The following PBRM1 variants were observed in gnomAD, a reference collection of about 807,000 sequenced individuals.
The protein encoded by PBRM1 is polybromo 1, also known as protein polybromo-1.
In PBRM1, 27 loss-of-function variants were observed where a neutral mutation model predicts 194.5. The observed-to-expected ratio is 0.14, with a 90% CI of 0.10 to 0.19. The LOEUF is 0.19. Ranked by LOEUF, PBRM1 falls within the 10% of genes least tolerant of loss-of-function variation. The pLI is 1.00. For synonymous variants in PBRM1, 655 were observed against 693.2 expected (o/e 0.94, Z 0.87); for missense variants, 1,466 against 2,077.2 (o/e 0.71, Z 5.72).
At chr3:52,643,143 A>G in intron 9 of PBRM1, 105 bp downstream of exon 10, 1 of 846,650 alleles carries the variant, frequency 1.2e-6, no homozygotes, top group Non-Finnish European at 2.0e-6. Context: ...TTAACAACCA[A>G]ACTATACCCA....
upstream of PBRM1, among the ~76,000 whole-genome samples, chr3:52,683,135 G>A (rs1418625112): frequency 2.0e-5 from 3 of 151,636 alleles, no homozygotes; most frequent in Admixed American, 6.6e-5. Flanking sequence ...CCCGGGAGGC[G>A]GAGGTTGCAG....
Position 52,678,617 on chromosome 3 carries a change from A to C in PBRM1, c.139-20T>G. The stretch of plus-strand genomic sequence containing the variant: ...GGCAATCTACACATTAGCAAAGGAG[A>C]AAAAAATCACTAAAAAAGTGAACAG... On this transcript the variant is annotated intron_variant, in intron 1 of 29. Transcript: ENST00000296302. 6.7e-7 allele frequency: 1 copy of C among 1,489,100 alleles called. No individual in the cohort carries two copies. The highest frequency in any genetic ancestry group is 9.4e-7 in the Non-Finnish European group (1 of 1,068,756). 92.2% of individuals were successfully genotyped at this position (1,489,100 alleles called of 1,614,324 possible).
intron 17 of PBRM1, among the ~76,000 whole-genome samples, 185 bp from the exon 20 acceptor site, chr3:52,589,440 C>G (rs1318690772): frequency 6.6e-6 from 1 of 152,190 alleles, no homozygotes; most frequent in Non-Finnish European, 1.5e-5. Context: ...CTACTCAAAA[C>G]TATCTTTGAA....
chr3:52,631,241 C>A (rs1017238949), intron 11 of PBRM1, among the ~76,000 whole-genome samples: 30 of 151,564 alleles, frequency 2.0e-4, no homozygotes, highest in African/African-American at 7.0e-4. Context: ...GAGGTCAAGG[C>A]GGGCAGATTG....
chr3:52,648,450 A>C lies in PBRM1; in HGVS notation c.715-8T>G, dbSNP rs201445639. The C allele has an allele frequency of 1.8e-4, 264 of 1,489,982 alleles. No homozygotes were observed. The Middle Eastern group carries it at 2.4e-3, about 14-fold the overall frequency. 92.3% of individuals were successfully genotyped at this position (1,489,982 alleles called of 1,614,324 possible). ...ACTTTTGTAGCTTCCATTCTACAAT[A>C]AACAACAAAATATAGCAGTTCCTTT... is the stretch of plus-strand genomic sequence containing the variant. On this transcript the variant is annotated splice_polypyrimidine_tract_variant and splice_region_variant and intron_variant, in intron 6 of 29. Coordinates refer to ENST00000296302, the Ensembl canonical transcript of PBRM1.
chr3:52,573,428 G>A (rs2088175073), intron 22 of PBRM1, among the ~76,000 whole-genome samples: 1 of 151,980 alleles, frequency 6.6e-6, no homozygotes, highest in African/African-American at 2.4e-5. Context: ...CTAGTAGCTG[G>A]GATTACAGGT....
intron 15 of PBRM1, among the ~76,000 whole-genome samples, chr3:52,611,000 C>A (rs994599451): frequency 1.3e-5 from 2 of 152,084 alleles, no homozygotes; most frequent in African/African-American, 2.4e-5. Flanking sequence ...TCAATAAGGA[C>A]AATAACTTCA....
At chr3:52,659,489 A>G (rs1288549262) in intron 4 of PBRM1, among the ~76,000 whole-genome samples, 3 of 152,080 alleles carry the variant, frequency 2.0e-5, no homozygotes, top group Non-Finnish European at 4.4e-5. Context: ...TGGTGTGACC[A>G]TGGCTCACTG....
intron 10 of PBRM1, among the ~76,000 whole-genome samples, chr3:52,639,243 C>T (rs149348015): frequency 2.5e-4 from 38 of 151,750 alleles, no homozygotes; most frequent in African/African-American, 7.5e-4. Flanking sequence ...CCAAAAGTGC[C>T]GGGATTACAG....
intron 19 of PBRM1, 60 bp from the exon 22 acceptor site, chr3:52,586,748 C>CAAAAAAAA (rs35352950): frequency 1.1e-3 from 199 of 183,538 alleles, no homozygotes; most frequent in Middle Eastern, 1.8e-3. Context: ...GAAAATCAAT[C>CAAAAAAAA]AAAAAAAAAA....
intron 10 of PBRM1, 82 bp downstream of exon 11, chr3:52,641,872 G>T: frequency 1.1e-6 from 1 of 873,732 alleles, no homozygotes; most frequent in Non-Finnish European, 2.0e-6. Flanking sequence ...GCAAACCCTA[G>T]GCCAGAAAAA....
In PBRM1 at chr3:52,651,731, C is replaced by A; in HGVS notation, c.714+11G>T. The A allele has an allele frequency of 6.6e-7, 1 of 1,503,834 alleles. No individual in the cohort carries two copies. The highest frequency in any genetic ancestry group is 1.2e-5 in the South Asian group (1 of 84,894). The allele number at this position is 1,503,834 out of a possible 1,614,324, so 93.2% of individuals were successfully genotyped here. ...TAAACCACAATCATTTACTTATGGTCATCTTCATACCTGTATCCTCTGGGC... is the reference window on the plus strand; with the variant it reads ...TAAACCACAATCATTTACTTATGGTAATCTTCATACCTGTATCCTCTGGGC... On this transcript the variant is annotated intron_variant, in intron 6 of 29. Transcript: ENST00000296302.
chr3:52,683,301 G>C (rs908384912), upstream of PBRM1, among the ~76,000 whole-genome samples: 1 of 151,678 alleles, frequency 6.6e-6, no homozygotes, highest in African/African-American at 2.4e-5. Flanking sequence ...TTGAACCCAG[G>C]AGGCAGAGGT....
intron 2 of PBRM1, among the ~76,000 whole-genome samples, chr3:52,676,756 T>C (rs1250420611): frequency 1.3e-5 from 2 of 152,194 alleles, no homozygotes; most frequent in African/African-American, 2.4e-5. Flanking sequence ...TGGAACTTCC[T>C]AGAGACTTGA....
chr3:52,592,946 G>C (rs1348984432), intron 17 of PBRM1, among the ~76,000 whole-genome samples: 7 of 152,204 alleles, frequency 4.6e-5, no homozygotes, highest in Admixed American at 2.6e-4. Context: ...TGTGTGCATA[G>C]AGGTGTTCAT....
chr3:52,629,858 C>T (rs552102019), intron 11 of PBRM1, among the ~76,000 whole-genome samples: 10 of 152,274 alleles, frequency 6.6e-5, no homozygotes, highest in African/African-American at 2.4e-4. Flanking sequence ...AACAGCTTCA[C>T]AGAATAAGTG....
At chr3:52,630,999 G>C (rs2095600492) in intron 11 of PBRM1, among the ~76,000 whole-genome samples, 1 of 152,140 alleles carries the variant, frequency 6.6e-6, no homozygotes, top group Non-Finnish European at 1.5e-5. Context: ...ACATCTGCAA[G>C]ACTATCACTA....
chr3:52,603,672 A>C, exon 17 of PBRM1: 1 of 1,612,880 alleles, frequency 6.2e-7, no homozygotes, highest in Non-Finnish European at 8.5e-7. Context: ...AGAGTTCATC[A>C]CGAATTTTAA....
chr3:52,621,718 A>G (rs2095282663), intron 13 of PBRM1, among the ~76,000 whole-genome samples: 1 of 152,198 alleles, frequency 6.6e-6, no homozygotes. Flanking sequence ...AAGGAATTCA[A>G]AATCAGGACT....
Sources: gnomAD v4.1 joint callset for allele counts (sites outside exome capture counted in the v4.1 genomes callset) on GRCh38, gnomAD v4.1.1 for gene constraint, MANE v1.5 for transcripts, NCBI Gene and HGNC (gene_info 2026-07-23, HGNC 2026-07-21) for gene names.